KIF4A: variants seen among roughly 807,000 people sequenced by gnomAD.
KIF4A encodes kinesin family member 4A.
Under a neutral mutation model 105.9 loss-of-function variants are expected in KIF4A, and 7 were observed. That is an observed-to-expected ratio of 0.07 (90% CI 0.04 to 0.12). The LOEUF is 0.12. Among genes scored for constraint, KIF4A ranks in the 10% least tolerant of loss-of-function variants. The pLI is 1.00. For missense variants in KIF4A, 558 were observed against 929.2 expected (o/e 0.60, Z 5.19); for synonymous variants, 281 against 331.3 (o/e 0.85, Z 1.65).
intron 15 of KIF4A, among the ~76,000 whole-genome samples, chrX:70,368,760 C>T (rs1052151596): frequency 3.6e-5 from 4 of 112,085 alleles, no homozygotes; most frequent in African/African-American, 9.7e-5. Context: ...GGGAGAACCA[C>T]TAGTCTCTTC....
At chrX:70,372,081 G>A (rs2086139575) in intron 15 of KIF4A, among the ~76,000 whole-genome samples, 1 of 108,639 alleles carries the variant, frequency 9.2e-6, no homozygotes, top group Non-Finnish European at 1.9e-5. Flanking sequence ...CTTCCTAGAT[G>A]GGATGGCGGC....
intron 3 of KIF4A, 117 bp from the exon 4 acceptor site, chrX:70,296,881 G>T: frequency 1.3e-6 from 1 of 791,083 alleles, no homozygotes; most frequent in East Asian, 3.3e-5. Context: ...ATTCTTAAGA[G>T]ACTGTATTAA....
chrX:70,372,736 G>A (rs1367402319), intron 15 of KIF4A, among the ~76,000 whole-genome samples: 1 of 113,086 alleles, frequency 8.8e-6, no homozygotes, highest in Non-Finnish European at 1.9e-5. Flanking sequence ...CAGAACTGCA[G>A]TTGTTATTGA....
In KIF4A at chrX:70,420,027, T is replaced by A. The variant is rs1261128577; in HGVS notation, c.3496-35T>A. 3 of 1,179,414 alleles carry A rather than the reference T, an allele frequency of 2.5e-6. No individual in the cohort carries two copies. The South Asian group carries it at 5.5e-5, about 22-fold the overall frequency. On this transcript the variant is annotated intron_variant, in intron 30 of 30. Coordinates refer to ENST00000374403, the MANE Select transcript of KIF4A (RefSeq NM_012310.5). ...GCTGGGCTGAGCTTCTGCCCCTTTCTAAAGTCTATTCATACCTGTCTCTGT... is the reference window on the plus strand; with the variant it reads ...GCTGGGCTGAGCTTCTGCCCCTTTCAAAAGTCTATTCATACCTGTCTCTGT...
chrX:70,371,600 G>A (rs1333752669), intron 15 of KIF4A, among the ~76,000 whole-genome samples: 1 of 105,551 alleles, frequency 9.5e-6, no homozygotes, highest in Non-Finnish European at 2.0e-5. Flanking sequence ...TGGCCGGGCG[G>A]GGGGCTGACC....
chrX:70,295,753 TAA>T (rs1307944718), intron 3 of KIF4A, among the ~76,000 whole-genome samples: 2 of 108,046 alleles, frequency 1.9e-5, no homozygotes, highest in Non-Finnish European at 3.8e-5. Flanking sequence ...CCGTCTCTAC[TAA>T]AAATTCAAAA....
chrX:70,383,076 A>G (rs1267574648), intron 18 of KIF4A, among the ~76,000 whole-genome samples: 2 of 109,584 alleles, frequency 1.8e-5, no homozygotes, highest in Non-Finnish European at 1.9e-5. Flanking sequence ...AATACCAGCT[A>G]CTGGGGAGGC....
At chrX:70,301,176 T>C (rs1375083252) in intron 5 of KIF4A, among the ~76,000 whole-genome samples, 1 of 111,541 alleles carries the variant, frequency 9.0e-6, no homozygotes, top group Non-Finnish European at 1.9e-5. Context: ...TTAGTGTTTG[T>C]GGGAGGAAGA....
chrX:70,402,463 A>T (rs1449729811), intron 22 of KIF4A, 103 bp from the exon 23 acceptor site: 1 of 946,291 alleles, frequency 1.1e-6, no homozygotes, highest in African/African-American at 2.0e-5. Context: ...TATTTAACTG[A>T]TAGCTCCATC....
intron 17 of KIF4A, among the ~76,000 whole-genome samples, chrX:70,375,799 T>G (rs1235357891): frequency 8.9e-6 from 1 of 112,251 alleles, no homozygotes; most frequent in African/African-American, 3.2e-5. Context: ...GGATTTGTCC[T>G]GGAGGCTTAG....
intron 7 of KIF4A, among the ~76,000 whole-genome samples, chrX:70,320,598 C>T (rs2147685634): frequency 8.9e-6 from 1 of 111,841 alleles, no homozygotes; most frequent in Admixed American, 9.5e-5. Context: ...TGCATATTCT[C>T]ATTCATATGT....
chrX:70,339,364 C>T (rs1323925945), intron 10 of KIF4A, among the ~76,000 whole-genome samples: 1 of 111,456 alleles, frequency 9.0e-6, no homozygotes, highest in Admixed American at 9.5e-5. Context: ...TAATTTTCCC[C>T]CTTTAGATAA....
In KIF4A at chrX:70,372,724, T is replaced by C. The variant is rs148599375; in HGVS notation, c.1675-1427T>C. On this transcript the variant is annotated intron_variant, in intron 15 of 30. Coordinates refer to ENST00000374403, the MANE Select transcript of KIF4A (RefSeq NM_012310.5). ...GGCTAGACTTCGTTTTCCAAATGCA[T>C]GCAGAACTGCAGTTGTTATTGAGTA... is the stretch of plus-strand genomic sequence containing the variant. 3.1e-3 allele frequency among the ~76,000 whole-genome samples: 352 copies of C among 112,871 alleles called. 2 individuals carry two copies. Among genetic ancestry groups the C allele is most frequent in the African/African-American group, 0.011 (343 of 31,148 alleles).
At chrX:70,383,321 T>A (rs760206279) in intron 18 of KIF4A, among the ~76,000 whole-genome samples, 8 of 111,565 alleles carry the variant, frequency 7.2e-5, no homozygotes, top group African/African-American at 2.6e-4. Flanking sequence ...AAAACCACAA[T>A]GAGATGCAAT....
chrX:70,337,491 C>T (rs777268249), intron 10 of KIF4A, among the ~76,000 whole-genome samples: 1 of 111,083 alleles, frequency 9.0e-6, no homozygotes, highest in South Asian at 3.8e-4. Flanking sequence ...GGCAACATGG[C>T]GAAACCCTGT....
At chrX:70,312,246 G>A (rs757000535) in intron 7 of KIF4A, among the ~76,000 whole-genome samples, 1 of 105,191 alleles carries the variant, frequency 9.5e-6, no homozygotes, top group Admixed American at 1.1e-4. Context: ...CCAGATTCAA[G>A]TGATTTTCCT....
intron 7 of KIF4A, among the ~76,000 whole-genome samples, chrX:70,326,179 A>G (rs1296888553): frequency 1.8e-5 from 2 of 112,098 alleles, no homozygotes; most frequent in Admixed American, 1.9e-4. Context: ...CTTTAGGCCC[A>G]TACATATTTT....
intron 15 of KIF4A, among the ~76,000 whole-genome samples, chrX:70,359,910 C>T (rs1424072664): frequency 1.8e-5 from 2 of 111,634 alleles, no homozygotes; most frequent in Admixed American, 9.5e-5. Flanking sequence ...TTGCAGTCCC[C>T]GCCACAGCCA....
intron 7 of KIF4A, among the ~76,000 whole-genome samples, chrX:70,305,372 C>T (rs1252064165): frequency 1.8e-5 from 2 of 111,817 alleles, no homozygotes; most frequent in Non-Finnish European, 1.9e-5. Flanking sequence ...CCTCACCTCT[C>T]ATCCTAGGCA....
Sources: gnomAD v4.1 joint callset for allele counts (sites outside exome capture counted in the v4.1 genomes callset) on GRCh38, gnomAD v4.1.1 for gene constraint, MANE v1.5 for transcripts, NCBI Gene and HGNC (gene_info 2026-07-23, HGNC 2026-07-21) for gene names.